The following SKAP2 variants were observed in gnomAD, a reference collection of about 807,000 sequenced individuals.
SKAP2 encodes the protein src kinase-associated phosphoprotein 2.
Under a neutral mutation model 54.9 loss-of-function variants are expected in SKAP2, and 28 were observed. The ratio of observed to expected loss-of-function variants is 0.51; its 90% CI spans 0.38 to 0.70. The LOEUF (loss-of-function observed/expected upper bound fraction) is 0.70. Ranked by LOEUF, SKAP2 falls within the 30% of genes least tolerant of loss-of-function variation. The pLI, the probability that SKAP2 is intolerant of heterozygous loss-of-function variation, is 0.00. For synonymous variants in SKAP2, 137 were observed against 134.3 expected (o/e 1.02, Z -0.14); for missense variants, 356 against 424.1 (o/e 0.84, Z 1.41).
chr7:26,791,098 T>C (rs910540338), intron 4 of SKAP2, among the ~76,000 whole-genome samples: 1 of 152,130 alleles, frequency 6.6e-6, no homozygotes, highest in African/African-American at 2.4e-5. Context: ...ATACATTTCT[T>C]AACAGGGCAC....
intron 10 of SKAP2, among the ~76,000 whole-genome samples, chr7:26,688,355 G>A (rs1214773390): frequency 6.6e-6 from 1 of 152,138 alleles, no homozygotes; most frequent in African/African-American, 2.4e-5. Context: ...AGAAACACAA[G>A]ATTAATTTTG....
At chr7:26,661,723 G>C in the SKAP2 span, among the ~76,000 whole-genome samples, 1 of 152,044 alleles carries the variant, frequency 6.6e-6, no homozygotes, top group Admixed American at 6.6e-5. Flanking sequence ...AATACCAAGG[G>C]CTCACTAAAA....
chr7:26,710,945 C>A (rs1787287243), intron 9 of SKAP2, among the ~76,000 whole-genome samples: 1 of 152,106 alleles, frequency 6.6e-6, no homozygotes, highest in Admixed American at 6.5e-5. Flanking sequence ...ACTATATTTA[C>A]TATTATACCA....
chr7:26,854,112 A>T, intron 3 of SKAP2, 25 bp downstream of exon 3: 1 of 1,546,792 alleles, frequency 6.5e-7, no homozygotes, highest in Non-Finnish European at 8.8e-7. Context: ...AAAAATTTTC[A>T]AGTTTGCCAA....
intron 4 of SKAP2, among the ~76,000 whole-genome samples, chr7:26,813,360 T>C (rs1206683224): frequency 1.3e-5 from 2 of 152,188 alleles, no homozygotes; most frequent in East Asian, 1.9e-4. Flanking sequence ...CTTTTGTCTA[T>C]ACTTTTTCAA....
intron 4 of SKAP2, among the ~76,000 whole-genome samples, chr7:26,804,315 CCT>C (rs1459028649): frequency 2.0e-5 from 3 of 152,052 alleles, no homozygotes; most frequent in African/African-American, 7.2e-5. Flanking sequence ...GACTAAATTT[CCT>C]CTGTTATCCT....
chr7:26,746,678 T>G (rs909874750), intron 4 of SKAP2: 1 of 151,576 alleles, frequency 6.6e-6, no homozygotes, highest in Admixed American at 6.6e-5. Flanking sequence ...CAATTTCTTC[T>G]TTTAAAACCT....
intron 4 of SKAP2, among the ~76,000 whole-genome samples, chr7:26,740,490 T>C (rs1328885452): frequency 6.6e-6 from 1 of 152,208 alleles, no homozygotes; most frequent in Non-Finnish European, 1.5e-5. Flanking sequence ...TGAGTGAGTA[T>C]GCTTTAGGTT....
At chr7:26,694,833 T>C (rs1786862379) in intron 9 of SKAP2, among the ~76,000 whole-genome samples, 1 of 152,146 alleles carries the variant, frequency 6.6e-6, no homozygotes, top group Non-Finnish European at 1.5e-5. Flanking sequence ...CCCTTTTTAA[T>C]CTATTTAATT....
chr7:26,742,000 G>A (rs1782465544), intron 4 of SKAP2, among the ~76,000 whole-genome samples: 1 of 152,150 alleles, frequency 6.6e-6, no homozygotes, highest in South Asian at 2.1e-4. Context: ...ATTTTGAAAT[G>A]TATATGAAAT....
chr7:26,763,542 T>A (rs1290971188), intron 4 of SKAP2, among the ~76,000 whole-genome samples: 1 of 152,162 alleles, frequency 6.6e-6, no homozygotes, highest in African/African-American at 2.4e-5. Flanking sequence ...TTATAGATAA[T>A]AAGTATCTCA....
At chr7:26,828,863 C>T (rs1017096216) in intron 4 of SKAP2, among the ~76,000 whole-genome samples, 1 of 151,140 alleles carries the variant, frequency 6.6e-6, no homozygotes, top group African/African-American at 2.4e-5. Context: ...CCCGTCTCTA[C>T]TAAAAATACA....
At chr7:26,797,049 T>C (rs1422067213) in intron 4 of SKAP2, among the ~76,000 whole-genome samples, 1 of 152,220 alleles carries the variant, frequency 6.6e-6, no homozygotes, top group Non-Finnish European at 1.5e-5. Context: ...GGCATCTTCA[T>C]CCATGAATCA....
chr7:26,713,891 G>A (rs1022610765), intron 9 of SKAP2, among the ~76,000 whole-genome samples: 2 of 152,174 alleles, frequency 1.3e-5, no homozygotes, highest in South Asian at 2.1e-4. Context: ...GAGCCATCGC[G>A]CCCGACCTAA....
chr7:26,690,392 G>GAT, intron 9 of SKAP2, 30 bp from the exon 10 acceptor site: 8 of 1,482,018 alleles, frequency 5.4e-6, no homozygotes, highest in African/African-American at 1.4e-5. Flanking sequence ...ATGGCACATT[G>GAT]AAGGGTTTTC....
intron 9 of SKAP2, among the ~76,000 whole-genome samples, chr7:26,710,582 A>T (rs1177442427): frequency 6.6e-6 from 1 of 152,198 alleles, no homozygotes; most frequent in Admixed American, 6.5e-5. Context: ...GGGAAAATAA[A>T]GAGCAAGTCA....
intron 10 of SKAP2, among the ~76,000 whole-genome samples, chr7:26,687,968 G>A (rs1786685163): frequency 6.6e-6 from 1 of 151,784 alleles, no homozygotes; most frequent in Non-Finnish European, 1.5e-5. Flanking sequence ...CTTGTCCTGA[G>A]AAGCATGAAT....
At chr7:26,657,168 C>T in the SKAP2 span, among the ~76,000 whole-genome samples, 1 of 152,196 alleles carries the variant, frequency 6.6e-6, no homozygotes, top group East Asian at 1.9e-4. Context: ...AAGACATTAT[C>T]TTTCTGCCAC....
chr7:26,692,418 AATTTAGGAGTC>A (rs1398030322), intron 9 of SKAP2, among the ~76,000 whole-genome samples: 1 of 152,154 alleles, frequency 6.6e-6, no homozygotes, highest in Admixed American at 6.5e-5. Flanking sequence ...TACAGGTGGA[AATTTAGGAGTC>A]TCCTGAAAAT....
Sources: gnomAD v4.1 joint callset for allele counts (sites outside exome capture counted in the v4.1 genomes callset) on GRCh38, gnomAD v4.1.1 for gene constraint, MANE v1.5 for transcripts, NCBI Gene and HGNC (gene_info 2026-07-23, HGNC 2026-07-21) for gene names.